The following MAP3K13 variants were observed in gnomAD, a reference collection of about 807,000 sequenced individuals.
The protein encoded by MAP3K13 is mitogen-activated protein kinase kinase kinase 13.
Under a neutral mutation model 104.0 loss-of-function variants are expected in MAP3K13, and 52 were observed. That is an observed-to-expected ratio of 0.50 (90% CI 0.40 to 0.63). MAP3K13 has a LOEUF of 0.63. Among genes scored for constraint, MAP3K13 ranks in the 20% least tolerant of loss-of-function variants. The pLI is 0.00. For synonymous variants in MAP3K13, 394 were observed against 442.2 expected, an observed-to-expected ratio of 0.89 and a Z score of 1.37; for missense variants, 914 against 1,218.5, an observed-to-expected ratio of 0.75 and a Z score of 3.72.
chr3:185,386,561 A>G (rs554725687), intron 1 of MAP3K13, among the ~76,000 whole-genome samples: 1 of 152,286 alleles, frequency 6.6e-6, no homozygotes, highest in South Asian at 2.1e-4. Context: ...TATATACCCA[A>G]AGGAATATAA....
In MAP3K13 at chr3:185,450,232, A is replaced by G. The variant is rs770096393; in HGVS notation, c.1169+174A>G. 1.3e-5 allele frequency among the ~76,000 whole-genome samples: 2 copies of G among 152,184 alleles called. No individual in the cohort carries two copies. The highest frequency in any genetic ancestry group is 1.5e-5 in the Non-Finnish European group (1 of 68,026). ...CACGTTATTCAATATCAGTTTTCTC[A>G]TTTGTAAAATAGAGACAACACTGAC... On this transcript the variant is annotated intron_variant, in intron 6 of 13. Coordinates refer to ENST00000265026, the MANE Select transcript of MAP3K13 (RefSeq NM_004721.5). The surrounding 1 kb of genome is among the most constrained non-coding windows in gnomAD (Gnocchi z 4.2).
chr3:185,366,719 G>A (rs929487341), intron 1 of MAP3K13, among the ~76,000 whole-genome samples: 1 of 152,088 alleles, frequency 6.6e-6, no homozygotes, highest in Non-Finnish European at 1.5e-5. Flanking sequence ...GTGCTTATTG[G>A]CCATCTGTAT....
rs140033867 is a variant in MAP3K13 at position 185,480,341 on chromosome 3, G to A, written c.2611G>A (p.Asp871Asn). The A allele has an allele frequency of 2.1e-4, 343 of 1,614,186 alleles. No individual in the cohort carries two copies. The highest frequency in any genetic ancestry group is 2.8e-4 in the Non-Finnish European group (325 of 1,180,034). ...TACCAGTGACCACTCAAACAGTCCT[G>A]ATGAGTTAGCTGATAAACTTGAAGA... ...GNTSDHSNSP[D>N]ELADKLEDRL... Residue 871 changes from aspartate (D) to asparagine (N), a missense_variant, in exon 13 of 14, where the codon GAT (aspartate) becomes AAT (asparagine). By Grantham distance (23) the Asp-to-Asn change is conservative. Coordinates refer to ENST00000265026, the MANE Select transcript of MAP3K13 (RefSeq NM_004721.5).
At chr3:185,284,473 T>C (rs2108664846) in intron 1 of MAP3K13, among the ~76,000 whole-genome samples, 1 of 152,272 alleles carries the variant, frequency 6.6e-6, no homozygotes, top group East Asian at 1.9e-4. Flanking sequence ...CCCAGCACTT[T>C]GCGAGGCCAA....
intron 10 of MAP3K13, among the ~76,000 whole-genome samples, chr3:185,471,859 CTG>C (rs752993974): frequency 8.5e-5 from 13 of 152,174 alleles, no homozygotes; most frequent in Non-Finnish European, 1.6e-4. Flanking sequence ...ACTGGTAGAG[CTG>C]TGTTTCATCT....
At chr3:185,383,644 C>A (rs1479058255) in intron 1 of MAP3K13, among the ~76,000 whole-genome samples, 1 of 151,948 alleles carries the variant, frequency 6.6e-6, no homozygotes, top group African/African-American at 2.4e-5. Flanking sequence ...CATACTGGTA[C>A]CCCTTCACCA....
chr3:185,329,121 A>AT (rs34308085), intron 2 of MAP3K13: 281 of 641,864 alleles, frequency 4.4e-4, no homozygotes, highest in South Asian at 1.5e-3. Context: ...CAGTAGTTTT[A>AT]TTTTTTTTTA....
intron 2 of MAP3K13, among the ~76,000 whole-genome samples, chr3:185,344,320 A>G (rs759662439): frequency 1.3e-5 from 2 of 152,164 alleles, no homozygotes; most frequent in Middle Eastern, 3.2e-3. Context: ...AAGGAGAGAC[A>G]TGGACGGGCT....
chr3:185,283,683 C>G (rs2108664136), intron 1 of MAP3K13, among the ~76,000 whole-genome samples: 1 of 152,182 alleles, frequency 6.6e-6, no homozygotes, highest in South Asian at 2.1e-4. Flanking sequence ...TATTGAAATT[C>G]AGAAATGTGT....
At chr3:185,415,577 C>CTTTT (rs869297992) in intron 1 of MAP3K13, among the ~76,000 whole-genome samples, 20 of 72,980 alleles carry the variant, frequency 2.7e-4, no homozygotes, top group Admixed American at 3.3e-4. Flanking sequence ...GGGTTAATTT[C>CTTTT]TTTTTTTTTT....
intron 2 of MAP3K13, among the ~76,000 whole-genome samples, chr3:185,317,621 T>C (rs1274766142): frequency 1.3e-5 from 2 of 152,228 alleles, no homozygotes; most frequent in African/African-American, 2.4e-5. Flanking sequence ...AAAATAGACC[T>C]GTCTTTGAAT....
intron 2 of MAP3K13, among the ~76,000 whole-genome samples, chr3:185,320,618 C>T (rs1234457749): frequency 6.6e-6 from 1 of 152,130 alleles, no homozygotes; most frequent in Non-Finnish European, 1.5e-5. Context: ...TGGACATTAC[C>T]TCCACGGTTA....
At chr3:185,318,260 A>C (rs970167363) in intron 2 of MAP3K13, among the ~76,000 whole-genome samples, 1 of 152,218 alleles carries the variant, frequency 6.6e-6, no homozygotes, top group Non-Finnish European at 1.5e-5. Flanking sequence ...AGGAATTCTT[A>C]AAGCGTCTGT....
intron 3 of MAP3K13, among the ~76,000 whole-genome samples, chr3:185,441,330 T>G (rs1045228684): frequency 1.3e-5 from 2 of 152,218 alleles, no homozygotes; most frequent in African/African-American, 4.8e-5. Flanking sequence ...ATTTGAAGGC[T>G]TTTTTAGTCA....
intron 2 of MAP3K13, among the ~76,000 whole-genome samples, chr3:185,432,511 G>T (rs1222359190): frequency 1.3e-5 from 2 of 149,816 alleles, no homozygotes; most frequent in Non-Finnish European, 3.0e-5. Context: ...TTTTTTAAAA[G>T]TTCCCTGTTC....
chr3:185,287,993 C>T (rs892129138), intron 2 of MAP3K13, among the ~76,000 whole-genome samples: 4 of 152,252 alleles, frequency 2.6e-5, no homozygotes, highest in Middle Eastern at 3.4e-3. Flanking sequence ...GCCAAGATCG[C>T]GCCATTGGAC....
At chr3:185,454,912 A>T (rs1347541262) in intron 7 of MAP3K13, among the ~76,000 whole-genome samples, 4 of 117,442 alleles carry the variant, frequency 3.4e-5, no homozygotes, top group Non-Finnish European at 4.9e-5. Context: ...TATATGATAT[A>T]TATATGAGAT....
chr3:185,426,738 T>C (rs1714443222), intron 1 of MAP3K13, among the ~76,000 whole-genome samples: 2 of 152,154 alleles, frequency 1.3e-5, no homozygotes. Flanking sequence ...CCCACACCTG[T>C]AATACCTTCC....
chr3:185,284,721 A>G (rs1176876330), intron 1 of MAP3K13, among the ~76,000 whole-genome samples: 1 of 151,536 alleles, frequency 6.6e-6, no homozygotes, highest in Non-Finnish European at 1.5e-5. Flanking sequence ...GGAACTATAA[A>G]TAAATAAATA....
Sources: allele counts gnomAD v4.1 joint callset (sites outside exome capture counted in the v4.1 genomes callset), GRCh38; gene constraint gnomAD v4.1.1; non-coding constraint Gnocchi (gnomAD v3.1); transcripts MANE v1.5; gene names NCBI Gene and HGNC (gene_info 2026-07-23, HGNC 2026-07-21).